The following CNTRL variants were observed in gnomAD, a reference collection of about 807,000 sequenced individuals.
The protein encoded by CNTRL is centriolin, also known as 110 kDa centrosomal protein.
In CNTRL, 233 loss-of-function variants were observed where a neutral mutation model predicts 303.7. The ratio of observed to expected loss-of-function variants is 0.77; its 90% CI spans 0.69 to 0.86. The LOEUF (loss-of-function observed/expected upper bound fraction) is 0.86, where lower values mean the gene tolerates loss of function less well. Ranked by LOEUF, CNTRL falls within the 40% of genes least tolerant of loss-of-function variation. The pLI, the probability that CNTRL is intolerant of heterozygous loss-of-function variation, is 0.00. For missense variants in CNTRL, 2,524 were observed against 2,650.6 expected (o/e 0.95, Z 1.05); for synonymous variants, 900 against 922.2 (o/e 0.98, Z 0.44).
chr9:121,117,599 A>C (rs962692863), intron 11 of CNTRL, among the ~76,000 whole-genome samples: 1 of 152,170 alleles, frequency 6.6e-6, no homozygotes, highest in African/African-American at 2.4e-5. Context: ...TGGGCGAGAT[A>C]TTTAAATTTT....
intron 11 of CNTRL, 77 bp downstream of exon 11, chr9:121,115,277 C>A: frequency 2.6e-6 from 2 of 757,858 alleles, no homozygotes; most frequent in African/African-American, 1.8e-5. Flanking sequence ...CCATATAAAA[C>A]AATTTAAAAA....
At chr9:121,140,127 G>A (rs2051418539) in intron 16 of CNTRL, among the ~76,000 whole-genome samples, 1 of 152,084 alleles carries the variant, frequency 6.6e-6, no homozygotes, top group Non-Finnish European at 1.5e-5. Context: ...TGTTGATATA[G>A]GGGCTCTCTC....
chr9:121,155,532 TG>T (rs777578300), intron 27 of CNTRL, among the ~76,000 whole-genome samples: 11 of 152,136 alleles, frequency 7.2e-5, no homozygotes, highest in Non-Finnish European at 1.5e-5. Flanking sequence ...TTCACCATGT[TG>T]GTCAGGCTGG....
In CNTRL at chr9:121,108,025, G is replaced by T. The variant is rs755171712; in HGVS notation, c.1002+30G>T. The stretch of plus-strand genomic sequence containing the variant: ...GTTCATATTTTACATTGCTTTGGCT[G>T]TATTCTCATAAGACAGATAATTCTT... On this transcript the variant is annotated intron_variant, in intron 8 of 43. Coordinates refer to ENST00000373855, the MANE Select transcript of CNTRL (RefSeq NM_007018.6). 7 of 1,459,740 alleles carry T rather than the reference G, an allele frequency of 4.8e-6. No individual in the cohort carries two copies. In the South Asian group the frequency reaches 9.4e-5, roughly 20 times the overall value. 90.4% of individuals were successfully genotyped at this position (1,459,740 alleles called of 1,614,324 possible).
chr9:121,079,875 T>C (rs887326050), intron 1 of CNTRL, among the ~76,000 whole-genome samples: 2 of 152,100 alleles, frequency 1.3e-5, no homozygotes, highest in Admixed American at 6.5e-5. Flanking sequence ...TTTTGTTTTG[T>C]TTTTTTGAGA....
chr9:121,097,581 C>G (rs1351704408), intron 6 of CNTRL, among the ~76,000 whole-genome samples: 1 of 79,046 alleles, frequency 1.3e-5, no homozygotes, highest in Non-Finnish European at 2.9e-5. Context: ...CATCCTGTGA[C>G]AGTCAAGAGC....
In CNTRL at chr9:121,090,351, T is replaced by G. The variant is rs897580510; in HGVS notation, c.294T>G (p.Ala98=). 1.6e-5 allele frequency: 26 copies of G among 1,612,998 alleles called. No individual in the cohort carries two copies. The highest frequency in any genetic ancestry group is 2.2e-5 in the Non-Finnish European group (26 of 1,179,562). Residue 98 remains alanine, a synonymous_variant, in exon 4 of 44, where the codon GCT becomes GCG. Coordinates refer to ENST00000373855, the MANE Select transcript of CNTRL (RefSeq NM_007018.6). ...IKKLTKQDNL[A]LIKSLNLSLS... is the part of the protein sequence containing the mutation. ...AACTTACTAAACAGGATAATTTGGCTTTGATAAAATCTCTGAACCTTTCAC... is the reference window on the plus strand; with the variant it reads ...AACTTACTAAACAGGATAATTTGGCGTTGATAAAATCTCTGAACCTTTCAC...
At chr9:121,130,691 T>C (rs1054822264) in intron 14 of CNTRL, among the ~76,000 whole-genome samples, 1 of 152,224 alleles carries the variant, frequency 6.6e-6, no homozygotes, top group African/African-American at 2.4e-5. Context: ...ATGTGTTTGC[T>C]CTTGCTTCTC....
intron 40 of CNTRL, among the ~76,000 whole-genome samples, chr9:121,172,056 G>A (rs1305098846): frequency 2.0e-5 from 3 of 152,180 alleles, no homozygotes; most frequent in South Asian, 2.1e-4. Flanking sequence ...TCGGGCTGCT[G>A]TAGCCACTCA....
chr9:121,086,256 C>T (rs1337856695), intron 2 of CNTRL, among the ~76,000 whole-genome samples: 1 of 152,134 alleles, frequency 6.6e-6, no homozygotes, highest in Non-Finnish European at 1.5e-5. Flanking sequence ...CAGACAGGCT[C>T]TCGTGGAGCA....
At chr9:121,107,412 T>C (rs1037141978) in intron 7 of CNTRL, among the ~76,000 whole-genome samples, 2 of 152,168 alleles carry the variant, frequency 1.3e-5, no homozygotes, top group South Asian at 2.1e-4. Flanking sequence ...ATCCTAAGAG[T>C]AACAGGAAGC....
At chr9:121,136,537 C>G (rs2051206107) in intron 15 of CNTRL, among the ~76,000 whole-genome samples, 1 of 152,028 alleles carries the variant, frequency 6.6e-6, no homozygotes, top group African/African-American at 2.4e-5. Flanking sequence ...CTACAAACTC[C>G]CGACCTCAGG....
chr9:121,141,665 C>G, intron 18 of CNTRL, 77 bp downstream of exon 18: 1 of 1,278,318 alleles, frequency 7.8e-7, no homozygotes. Context: ...ACAATGCTTC[C>G]TTTGTCATGT....
chr9:121,166,086 A>G, intron 35 of CNTRL, 21 bp from the exon 36 acceptor site: 15 of 1,580,334 alleles, frequency 9.5e-6, no homozygotes, highest in Non-Finnish European at 1.3e-5. Context: ...TTCTTATTTC[A>G]TGAGAATGTC....
intron 14 of CNTRL, among the ~76,000 whole-genome samples, chr9:121,132,257 T>C (rs1208118888): frequency 6.6e-6 from 1 of 152,270 alleles, no homozygotes; most frequent in Non-Finnish European, 1.5e-5. Flanking sequence ...CCTGTCACTT[T>C]TCAGGTACAC....
intron 4 of CNTRL, among the ~76,000 whole-genome samples, chr9:121,093,028 C>T (rs982223450): frequency 1.9e-4 from 28 of 150,714 alleles, no homozygotes; most frequent in African/African-American, 5.4e-4. Flanking sequence ...AGGATGGTCT[C>T]GATCTCCTGA....
intron 36 of CNTRL, 85 bp downstream of exon 36, chr9:121,166,265 G>T: frequency 1.1e-6 from 1 of 936,396 alleles, no homozygotes; most frequent in South Asian, 1.6e-5. Context: ...CAAGTAGGCT[G>T]GTTCCTCTTC....
At chr9:121,094,669 A>C (rs1053665065) in intron 4 of CNTRL, among the ~76,000 whole-genome samples, 2 of 152,184 alleles carry the variant, frequency 1.3e-5, no homozygotes, top group Non-Finnish European at 2.9e-5. Context: ...TATATAGACA[A>C]TGTTGTTGTC....
rs1403858248 is a variant in CNTRL at position 121,173,440 on chromosome 9, G to C, written c.6615G>C (p.Glu2205Asp). ...NLEGELESLK[E>D]NLPFTMNEGP... is the part of the protein sequence containing the mutation. ...AAGGAGAATTGGAAAGCTTGAAAGA[G>C]AACCTTCCATTTACCATGAATGAGG... The change falls in exon 41 of 44, where the codon GAG becomes GAC. Residue 2205 changes from glutamate to aspartate, a missense_variant. Glu to Asp is a conservative substitution (Grantham distance 45). Coordinates refer to ENST00000373855, the MANE Select transcript of CNTRL (RefSeq NM_007018.6). 6.2e-7 allele frequency: 1 copy of C among 1,613,952 alleles called. No homozygotes were observed. Among genetic ancestry groups the C allele is most frequent in the Admixed American group, 1.7e-5 (1 of 60,026 alleles).
Sources: allele counts gnomAD v4.1 joint callset (sites outside exome capture counted in the v4.1 genomes callset), GRCh38; gene constraint gnomAD v4.1.1; transcripts MANE v1.5; gene names NCBI Gene and HGNC (gene_info 2026-07-23, HGNC 2026-07-21).